The following CARS1 variants were observed in gnomAD, a reference collection of about 807,000 sequenced individuals.
The protein encoded by CARS1 is cysteinyl-tRNA synthetase 1, also known as cysteine--tRNA ligase, cytoplasmic.
A neutral mutation model predicts 106.2 loss-of-function variants in CARS1; 48 were observed. That is an observed-to-expected ratio of 0.45 (90% CI 0.36 to 0.57). The LOEUF is 0.57. CARS1 is among the 20% of genes least tolerant of loss of function. The pLI is 0.00. For missense variants in CARS1, 968 were observed against 1,057.2 expected, an observed-to-expected ratio of 0.92 and a Z score of 1.17; for synonymous variants, 409 against 403.4, an observed-to-expected ratio of 1.01 and a Z score of -0.17.
chr11:3,018,454 G>A lies in CARS1; in HGVS notation c.1583C>T (p.Ser528Phe). ...MHSWKDTLDY[S>F]SNTMESALQY... is the part of the protein sequence containing the mutation. The stretch of plus-strand genomic sequence containing the variant: ...AAGCGCTGACTCCATGGTGTTGCTG[G>A]AGTAGTCCAGGGTGTCCTTCCACGA... The change falls in exon 14 of 23, where the codon TCC becomes TTC. Residue 528 changes from serine (S) to phenylalanine (F), a missense_variant. Physicochemically the swap from Ser to Phe is radical, Grantham distance 155. Coordinates refer to ENST00000380525, the MANE Select transcript of CARS1 (RefSeq NM_001014437.3). The A allele has an allele frequency of 1.9e-6, 3 of 1,614,118 alleles. No homozygotes were observed. Among genetic ancestry groups the A allele is most frequent in the Non-Finnish European group, 2.5e-6 (3 of 1,179,954 alleles).
In CARS1 at chr11:3,057,353, G is replaced by A. The variant is rs1321998540; in HGVS notation, c.15C>T (p.Ser5=). MADS[S]GQQAPDYRSI... ...GGCCGCGCCGCTCACCCTGCTGCCCGGAGGAATCTGCCATGGCTGGGAATC... is the reference window on the plus strand; with the variant it reads ...GGCCGCGCCGCTCACCCTGCTGCCCAGAGGAATCTGCCATGGCTGGGAATC... Residue 5 remains serine (S), a synonymous_variant, in exon 1 of 23, where the codon TCC becomes TCT. Transcript: ENST00000380525. 1 of 1,610,574 alleles carries A rather than the reference G, an allele frequency of 6.2e-7. No homozygotes were observed. The highest frequency in any genetic ancestry group is 2.2e-5 in the East Asian group (1 of 44,822).
At chr11:3,026,824 G>A (rs753832329) in intron 9 of CARS1, 27 bp from the exon 10 acceptor site, 2 of 1,600,368 alleles carry the variant, frequency 1.2e-6, no homozygotes, top group Non-Finnish European at 1.7e-6. Context: ...GAATTGGGTG[G>A]GTGCATCTAA....
intron 9 of CARS1, chr11:3,027,123 C>T: frequency 4.4e-6 from 1 of 229,006 alleles, no homozygotes; most frequent in Non-Finnish European, 8.6e-6. Context: ...AATGTCCACA[C>T]TCTACCCATT....
chr11:3,014,121 G>C (rs1453934723), intron 17 of CARS1, among the ~76,000 whole-genome samples: 1 of 152,188 alleles, frequency 6.6e-6, no homozygotes, highest in Non-Finnish European at 1.5e-5. Context: ...AAGCCTTGGG[G>C]AAGGACAGAA....
At position 3,008,279 on chromosome 11, in the gene CARS1, G is replaced by A. The variant is rs1418974511; in HGVS notation, c.2069-1320C>T. 6.6e-6 allele frequency: 1 copy of A among 152,304 alleles called. No homozygotes were observed. 9.4% of individuals were successfully genotyped at this position (152,304 alleles called of 1,614,324 possible). On this transcript the variant is annotated intron_variant, in intron 18 of 22. Transcript: ENST00000380525. The surrounding 1 kb of genome is among the most constrained non-coding windows in gnomAD (Gnocchi z 5.1). ...TGTGTCCTCATAACTGAGACCCCTA[G>A]AGCTCCTTGCTGGGCACCCCACACC...
rs1284211431 is a variant in CARS1, at chr11:3,008,097, C to G, written c.2069-1138G>C. ...ACCACACCCTTTAGTTTTCTTCTGG[C>G]CCCTCAGCTTGCTGCGCCCAACTGT... is the stretch of plus-strand genomic sequence containing the variant. On this transcript the variant is annotated intron_variant, in intron 18 of 22. Transcript: ENST00000380525. This position sits in a 1 kb window ranked among gnomAD's most constrained non-coding sequence, Gnocchi z 5.1. 1 of 152,296 alleles carries G rather than the reference C, an allele frequency of 6.6e-6. No individual in the cohort carries two copies. Among genetic ancestry groups the G allele is most frequent in the Non-Finnish European group, 1.5e-5 (1 of 68,090 alleles). 9.4% of individuals were successfully genotyped at this position (152,296 alleles called of 1,614,324 possible).
rs1855083182 is a variant in CARS1 at position 3,046,408 on chromosome 11, C to A, written c.274+1345G>T. ...CACCCGAGCCCTTGGAGAGAAGGCA[C>A]CTCACAGCACAGGTGTCACTTGGGT... On this transcript the variant is annotated intron_variant, in intron 2 of 22. Transcript: ENST00000380525. The surrounding 1 kb of genome is among the most constrained non-coding windows in gnomAD (Gnocchi z 5.8). 6.6e-6 allele frequency among the ~76,000 whole-genome samples: 1 copy of A among 152,196 alleles called. No individual in the cohort carries two copies. Among genetic ancestry groups the A allele is most frequent in the African/African-American group, 2.4e-5 (1 of 41,450 alleles).
chr11:3,055,890 C>T (rs760893464), intron 1 of CARS1, among the ~76,000 whole-genome samples: 7 of 152,222 alleles, frequency 4.6e-5, no homozygotes, highest in Non-Finnish European at 1.0e-4. Flanking sequence ...AGCCATTACG[C>T]ATGGTTTGCT....
At position 3,003,841 on chromosome 11, in the gene CARS1, C is replaced by A. The variant is rs998163611; in HGVS notation, c.2218-1241G>T. Among the ~76,000 whole-genome samples the A allele has an allele frequency of 2.0e-5, 3 of 152,118 alleles. No individual in the cohort carries two copies. The highest frequency in any genetic ancestry group is 2.9e-5 in the Non-Finnish European group (2 of 68,016). On this transcript the variant is annotated intron_variant, in intron 20 of 22. Transcript: ENST00000380525. This position sits in a 1 kb window ranked among gnomAD's most constrained non-coding sequence, Gnocchi z 4.8. ...GACCCCTCCCCCATGGTGCCTCGGG[C>A]CTGGGGATGCCTTCTTGCAGCAGCT...
chr11:3,056,550 G>C (rs980087979), intron 1 of CARS1, among the ~76,000 whole-genome samples: 5 of 152,146 alleles, frequency 3.3e-5, no homozygotes, highest in South Asian at 2.1e-4. Context: ...GGGCAGTAAT[G>C]CTCTGACAAT....
At chr11:3,001,580 A>G (rs562732777) in intron 22 of CARS1, among the ~76,000 whole-genome samples, 1 of 152,332 alleles carries the variant, frequency 6.6e-6, no homozygotes, top group East Asian at 1.9e-4. Context: ...GCCAGCAGGG[A>G]GGGGCCTAGA....
rs747689981 is a variant in CARS1, at chr11:3,029,303, A to G, written c.942T>C (p.Asn314=). 3.1e-6 allele frequency: 5 copies of G among 1,613,972 alleles called. No individual in the cohort carries two copies. Among genetic ancestry groups the G allele is most frequent in the Non-Finnish European group, 3.4e-6 (4 of 1,179,950 alleles). ...GDFHRDMEAL[N]VLPPDVLTRV... ...AGCACAAGACAATCGTGACACTTAC[A>G]TTCAGAGCTTCCATGTCTCTGTGGA... is the stretch of plus-strand genomic sequence containing the variant. Residue 314 remains asparagine (N), a splice_region_variant and synonymous_variant, in exon 8 of 23, where the codon AAT becomes AAC. Coordinates refer to ENST00000380525, the MANE Select transcript of CARS1 (RefSeq NM_001014437.3). This position sits in a 1 kb window ranked among gnomAD's most constrained non-coding sequence, Gnocchi z 5.9.
rs1016879527 is a variant in CARS1 at position 3,040,006 on chromosome 11, A to G, written c.456-75T>C. The stretch of plus-strand genomic sequence containing the variant: ...TTAACCTCCAACAACACGTGTTTGA[A>G]CTGCATGAGTGCATTTATATATGAT... On this transcript the variant is annotated intron_variant, in intron 4 of 22. Coordinates refer to ENST00000380525, the MANE Select transcript of CARS1 (RefSeq NM_001014437.3). The surrounding 1 kb of genome is among the most constrained non-coding windows in gnomAD (Gnocchi z 5.8). 1 of 737,300 alleles carries G rather than the reference A, an allele frequency of 1.4e-6. No homozygotes were observed. The highest frequency in any genetic ancestry group is 1.8e-5 in the African/African-American group (1 of 54,758). The allele number at this position is 737,300 out of a possible 1,614,324, so 45.7% of individuals were successfully genotyped here.
rs539260255 is a variant in CARS1, at chr11:3,034,593, G to A, written c.801+3457C>T. Among the ~76,000 whole-genome samples the A allele has an allele frequency of 3.3e-5, 5 of 152,014 alleles. No homozygotes were observed. The highest frequency in any genetic ancestry group is 9.7e-5 in the African/African-American group (4 of 41,442). Reference sequence around the variant, plus strand: ...TCGCCAGGCTGCAGTGCAACAGCACGATCTCGGCTCACTGCAACCTCTGAC... The same window carrying A: ...TCGCCAGGCTGCAGTGCAACAGCACAATCTCGGCTCACTGCAACCTCTGAC... On this transcript the variant is annotated intron_variant, in intron 7 of 22. Coordinates refer to ENST00000380525, the MANE Select transcript of CARS1 (RefSeq NM_001014437.3). The surrounding 1 kb of genome is among the most constrained non-coding windows in gnomAD (Gnocchi z 6.3).
chr11:3,018,370 C>T, intron 14 of CARS1, 38 bp downstream of exon 14: 1 of 1,395,802 alleles, frequency 7.2e-7, no homozygotes, highest in Non-Finnish European at 1.0e-6. Context: ...GCAGGGGAGG[C>T]TGCTCCACCA....
rs1854800192 is a variant in CARS1, at chr11:3,043,886, G to A, written c.275-1630C>T. On this transcript the variant is annotated intron_variant, in intron 2 of 22. Transcript: ENST00000380525. This position sits in a 1 kb window ranked among gnomAD's most constrained non-coding sequence, Gnocchi z 4.0. The stretch of plus-strand genomic sequence containing the variant: ...CGGAGAGAGGGCCAGTGCTCAGCAG[G>A]AGCCCCCACTCTAGGTGAGTTCCAG... Among the ~76,000 whole-genome samples the A allele has an allele frequency of 1.3e-5, 2 of 152,160 alleles. No homozygotes were observed. The highest frequency in any genetic ancestry group is 2.9e-5 in the Non-Finnish European group (2 of 68,032).
intron 19 of CARS1, among the ~76,000 whole-genome samples, chr11:3,006,102 T>C (rs931097188): frequency 2.6e-5 from 4 of 152,218 alleles, no homozygotes; most frequent in Admixed American, 1.3e-4. Context: ...TAGTACCTCA[T>C]ACGCATGTAT....
At chr11:3,002,315 A>G in intron 21 of CARS1, 1 of 736,980 alleles carries the variant, frequency 1.4e-6, no homozygotes, top group Non-Finnish European at 2.2e-6. Context: ...GCTGTCTTGG[A>G]GCTTGTGACC....
At chr11:3,033,965 A>G (rs1853230833) in intron 7 of CARS1, among the ~76,000 whole-genome samples, 1 of 152,174 alleles carries the variant, frequency 6.6e-6, no homozygotes, top group Admixed American at 6.5e-5. Context: ...AACTTTTTGT[A>G]GAGATAGAGT....
Sources: allele counts gnomAD v4.1 joint callset (sites outside exome capture counted in the v4.1 genomes callset), GRCh38; gene constraint gnomAD v4.1.1; non-coding constraint Gnocchi (gnomAD v3.1); transcripts MANE v1.5; gene names NCBI Gene and HGNC (gene_info 2026-07-23, HGNC 2026-07-21).